The following EPB41L2 variants were observed in gnomAD, a reference collection of about 807,000 sequenced individuals.
The protein encoded by EPB41L2 is erythrocyte membrane protein band 4.1 like 2.
Under a neutral mutation model 113.0 loss-of-function variants are expected in EPB41L2, and 43 were observed. That is an observed-to-expected ratio of 0.38 (90% CI 0.30 to 0.49). The LOEUF (loss-of-function observed/expected upper bound fraction) is 0.49, where lower values mean the gene tolerates loss of function less well. EPB41L2 is among the 20% of genes least tolerant of loss of function. The pLI is 0.95. For synonymous variants in EPB41L2, 442 were observed against 436.7 expected (o/e 1.01, Z -0.15); for missense variants, 1,147 against 1,223.4 (o/e 0.94, Z 0.93).
At chr6:130,863,425 G>A (rs1445640647) in intron 18 of EPB41L2, among the ~76,000 whole-genome samples, 1 of 152,196 alleles carries the variant, frequency 6.6e-6, no homozygotes, top group African/African-American at 2.4e-5. Flanking sequence ...TGCATGTAAA[G>A]CCAGTGGGAA....
intron 1 of EPB41L2, among the ~76,000 whole-genome samples, chr6:130,997,360 A>T (rs941043619): frequency 6.6e-5 from 10 of 152,216 alleles, no homozygotes; most frequent in Admixed American, 6.5e-4. Flanking sequence ...AAAAGACTTA[A>T]GAGTTCCTGC....
intron 1 of EPB41L2, among the ~76,000 whole-genome samples, chr6:131,060,496 A>G (rs1440760702): frequency 1.3e-5 from 2 of 152,164 alleles, no homozygotes; most frequent in Non-Finnish European, 2.9e-5. Flanking sequence ...TTAAATACCT[A>G]TTTTTACATT....
At chr6:131,033,487 G>A (rs1056905804) in intron 1 of EPB41L2, among the ~76,000 whole-genome samples, 2 of 152,136 alleles carry the variant, frequency 1.3e-5, no homozygotes, top group African/African-American at 4.8e-5. Context: ...AGATATTTGT[G>A]CACCAATGTT....
At chr6:131,062,711 G>C (rs1470843909) in intron 1 of EPB41L2, 1 of 151,926 alleles carries the variant, frequency 6.6e-6, no homozygotes, top group Admixed American at 6.5e-5. Context: ...GGATGGAGCC[G>C]GATTTTTCCC....
intron 18 of EPB41L2, among the ~76,000 whole-genome samples, chr6:130,859,285 G>A (rs1478914881): frequency 6.6e-6 from 1 of 152,170 alleles, no homozygotes; most frequent in Non-Finnish European, 1.5e-5. Flanking sequence ...ACTTTGGGAC[G>A]CCAACGCGGG....
chr6:130,904,003 A>T (rs1347946598), intron 6 of EPB41L2, among the ~76,000 whole-genome samples: 1 of 152,164 alleles, frequency 6.6e-6, no homozygotes, highest in East Asian at 1.9e-4. Flanking sequence ...AAGAAATCCT[A>T]CCTTGTTTGG....
intron 1 of EPB41L2, among the ~76,000 whole-genome samples, chr6:131,007,564 G>A (rs1257520081): frequency 6.6e-6 from 1 of 152,164 alleles, no homozygotes; most frequent in Non-Finnish European, 1.5e-5. Flanking sequence ...CTCAGAAGAA[G>A]ATAGGAAAAT....
At chr6:131,056,742 C>G (rs1162803113) in intron 1 of EPB41L2, among the ~76,000 whole-genome samples, 2 of 152,108 alleles carry the variant, frequency 1.3e-5, no homozygotes, top group Non-Finnish European at 1.5e-5. Flanking sequence ...GATTTTTAAC[C>G]CCTTACTACA....
chr6:131,032,743 C>A (rs984793123), intron 1 of EPB41L2, among the ~76,000 whole-genome samples: 1 of 152,118 alleles, frequency 6.6e-6, no homozygotes, highest in Non-Finnish European at 1.5e-5. Flanking sequence ...AAATAATAAC[C>A]ATAAGGTAAC....
At chr6:130,990,188 G>A (rs957384752) in intron 1 of EPB41L2, among the ~76,000 whole-genome samples, 2 of 152,234 alleles carry the variant, frequency 1.3e-5, no homozygotes, top group African/African-American at 4.8e-5. Context: ...GAGTGTGGTG[G>A]TACATGACTG....
chr6:130,844,301 G>A (rs7761415), intron 19 of EPB41L2, among the ~76,000 whole-genome samples: 46,259 of 152,030 alleles, frequency 0.3, 8,092 homozygotes, highest in East Asian at 0.45. Flanking sequence ...GGTGGCTGAC[G>A]CCTGTAATCC....
intron 19 of EPB41L2, among the ~76,000 whole-genome samples, chr6:130,857,293 T>C (rs2128420917): frequency 6.6e-6 from 1 of 152,284 alleles, no homozygotes; most frequent in East Asian, 1.9e-4. Flanking sequence ...ATTTTTTGTT[T>C]ATTGATCTTT....
chr6:130,965,030 C>A (rs896468230), intron 1 of EPB41L2, among the ~76,000 whole-genome samples: 1 of 152,200 alleles, frequency 6.6e-6, no homozygotes, highest in African/African-American at 2.4e-5. Context: ...ATAATTACCA[C>A]TACCTTTTGG....
intron 8 of EPB41L2, 69 bp from the exon 9 acceptor site, chr6:130,895,188 G>T (rs571711762): frequency 2.7e-6 from 4 of 1,494,218 alleles, no homozygotes; most frequent in Admixed American, 4.2e-5. Flanking sequence ...AAGCTAATTA[G>T]CTCCCTCAAA....
At chr6:130,927,606 C>G (rs946417589) in intron 3 of EPB41L2, among the ~76,000 whole-genome samples, 1 of 152,184 alleles carries the variant, frequency 6.6e-6, no homozygotes, top group Non-Finnish European at 1.5e-5. Context: ...CGAATGCCCT[C>G]TCACTATCAA....
chr6:130,904,439 C>G (rs559130712), intron 6 of EPB41L2, 26 bp downstream of exon 6: 1 of 1,495,672 alleles, frequency 6.7e-7, no homozygotes, highest in South Asian at 1.2e-5. Flanking sequence ...AGGAAAGGTT[C>G]ATTTAAAAAT....
Position 130,900,991 on chromosome 6 carries a change from C to G in EPB41L2, c.1119G>C (p.Glu373Asp). Residue 373 changes from glutamate (E) to aspartate (D), a missense_variant, in exon 7 of 20, where the codon GAG becomes GAC. Glu to Asp is a conservative substitution (Grantham distance 45). Coordinates refer to ENST00000337057, the MANE Select transcript of EPB41L2 (RefSeq NM_001431.4). The part of the protein sequence containing the change: ...FAPTQTKELE[E>D]KVAELHKTHR... ...GGGTTTTGTGCAGCTCTGCCACCTTCTCTTCCAGCTCCTTAGTCTGAGTAG... is the reference window on the plus strand; with the variant it reads ...GGGTTTTGTGCAGCTCTGCCACCTTGTCTTCCAGCTCCTTAGTCTGAGTAG... 3 of 1,614,192 alleles carry G rather than the reference C, an allele frequency of 1.9e-6. No homozygotes were observed. Among genetic ancestry groups the G allele is most frequent in the East Asian group, 2.2e-5 (1 of 44,882 alleles).
At chr6:131,061,157 G>A (rs772071974) in intron 1 of EPB41L2, among the ~76,000 whole-genome samples, 11 of 152,096 alleles carry the variant, frequency 7.2e-5, no homozygotes, top group Non-Finnish European at 1.3e-4. Flanking sequence ...TCTTACAGAG[G>A]GATGTTTTAA....
At chr6:131,021,110 T>A (rs1471499602) in intron 1 of EPB41L2, among the ~76,000 whole-genome samples, 2 of 152,202 alleles carry the variant, frequency 1.3e-5, no homozygotes, top group African/African-American at 4.8e-5. Context: ...GAACAATTCT[T>A]AAGTTCACTC....
Sources: gnomAD v4.1 joint callset for allele counts (sites outside exome capture counted in the v4.1 genomes callset) on GRCh38, gnomAD v4.1.1 for gene constraint, MANE v1.5 for transcripts, NCBI Gene and HGNC (gene_info 2026-07-23, HGNC 2026-07-21) for gene names.